Variants in GPC5 observed in about 807,000 individuals in gnomAD.
GPC5 encodes the protein glypican-5.
A neutral mutation model predicts 53.9 loss-of-function variants in GPC5; 47 were observed. The observed-to-expected ratio is 0.87, with a 90% CI of 0.69 to 1.11. The LOEUF (loss-of-function observed/expected upper bound fraction) is 1.11. Ranked by LOEUF, GPC5 falls within the 50% of genes most tolerant of loss-of-function variation. The probability of loss-of-function intolerance (pLI) is 0.00; values close to 1 mark genes in which losing one functional copy is unlikely to be tolerated. For synonymous variants in GPC5, 286 were observed against 263.3 expected, an observed-to-expected ratio of 1.09 and a Z score of -0.84; for missense variants, 748 against 713.1, an observed-to-expected ratio of 1.05 and a Z score of -0.56.
intron 7 of GPC5, among the ~76,000 whole-genome samples, chr13:92,753,693 C>T (rs1349700826): frequency 6.6e-6 from 1 of 151,992 alleles, no homozygotes; most frequent in Non-Finnish European, 1.5e-5. Flanking sequence ...GCAGAAACCT[C>T]AGGAGCCGAT....
Position 91,810,474 on chromosome 13 carries a change from G to A in GPC5, c.1280+54054G>A, listed in dbSNP as rs190104252. Among the ~76,000 whole-genome samples the A allele has an allele frequency of 2.0e-4, 31 of 152,024 alleles. 1 individual carries two copies. In the East Asian group the frequency reaches 4.3e-3, roughly 21 times the overall value. On this transcript the variant is annotated intron_variant, in intron 5 of 7. Coordinates refer to ENST00000377067, the MANE Select transcript of GPC5 (RefSeq NM_004466.6). Reference sequence around the variant, plus strand: ...TTCTTTCTATAAACTCTTCAATTATGTAGTCTGTATAAGAGAACTCTCTCT... The same window carrying A: ...TTCTTTCTATAAACTCTTCAATTATATAGTCTGTATAAGAGAACTCTCTCT...
At chr13:92,617,386 A>G (rs1323242221) in intron 7 of GPC5, among the ~76,000 whole-genome samples, 1 of 152,158 alleles carries the variant, frequency 6.6e-6, no homozygotes, top group Non-Finnish European at 1.5e-5. Context: ...ATTCATCAAA[A>G]CACCCACATT....
intron 7 of GPC5, among the ~76,000 whole-genome samples, chr13:92,726,579 A>C (rs1163607276): frequency 1.3e-5 from 2 of 151,546 alleles, no homozygotes; most frequent in East Asian, 3.9e-4. Flanking sequence ...TAATAAAGGA[A>C]TAAAACTTTT....
intron 6 of GPC5, among the ~76,000 whole-genome samples, chr13:92,077,687 G>A (rs1472465486): frequency 6.6e-6 from 1 of 152,182 alleles, no homozygotes; most frequent in African/African-American, 2.4e-5. Context: ...ACGGTGCACA[G>A]AAGGGATGAT....
intron 2 of GPC5, among the ~76,000 whole-genome samples, chr13:91,604,096 T>C (rs1204821903): frequency 2.2e-5 from 3 of 135,602 alleles, no homozygotes; most frequent in Admixed American, 1.5e-4. Flanking sequence ...ATGCTATCCC[T>C]CCCCCCTCCC....
intron 2 of GPC5, among the ~76,000 whole-genome samples, chr13:91,450,583 CT>C (rs1319665372): frequency 6.6e-6 from 1 of 152,082 alleles, no homozygotes; most frequent in Non-Finnish European, 1.5e-5. Context: ...GGTGATACTG[CT>C]AAAAGTTTAG....
rs1194435183 is a variant in GPC5 at position 91,621,759 on chromosome 13, CATTATATAT to C, written c.326-71425_326-71417del. On this transcript the variant is annotated intron_variant, in intron 2 of 7. Transcript: ENST00000377067. ...GTCAGGGTTCTCTAAAGGGACAGAACATTATATATATATATATATATATATATATATATG... is the reference window on the plus strand; with the variant it reads ...GTCAGGGTTCTCTAAAGGGACAGAACATATATATATATATATATATATATG... 4.3e-3 allele frequency among the ~76,000 whole-genome samples: 466 copies of C among 107,424 alleles called. 62 individuals carry two copies. Among genetic ancestry groups the C allele is most frequent in the African/African-American group, 0.024 (421 of 17,784 alleles). The allele number at this position is 107,424 out of a possible 152,430, so 70.5% of individuals were successfully genotyped here. A position where few individuals can be genotyped will look rare whatever the true frequency, so the allele number is the denominator to read the frequency against.
At chr13:92,163,691 G>A (rs2042007204) in intron 7 of GPC5, among the ~76,000 whole-genome samples, 2 of 152,100 alleles carry the variant, frequency 1.3e-5, no homozygotes, top group African/African-American at 4.8e-5. Flanking sequence ...ACTTGTTCAA[G>A]TTCAGTGAAG....
At chr13:92,122,458 T>TGGTGCTTAATTA (rs1446663259) in intron 6 of GPC5, among the ~76,000 whole-genome samples, 31 of 152,040 alleles carry the variant, frequency 2.0e-4, no homozygotes, top group African/African-American at 6.3e-4. Context: ...TTCAGCCTGC[T>TGGTGCTTAATTA]GGTGCTTAAT....
intron 2 of GPC5, among the ~76,000 whole-genome samples, chr13:91,597,921 T>G (rs2033050533): frequency 9.5e-5 from 1 of 10,502 alleles, no homozygotes; most frequent in Non-Finnish European, 5.5e-3. Context: ...CTATTGAGTT[T>G]GTATTTCTTT....
chr13:92,790,651 A>G (rs1876427764), intron 7 of GPC5, among the ~76,000 whole-genome samples: 1 of 152,148 alleles, frequency 6.6e-6, no homozygotes, highest in Admixed American at 6.6e-5. Context: ...TTTCATGTGA[A>G]GAAGGAATAA....
chr13:91,943,526 G>A (rs1566355095), intron 6 of GPC5, among the ~76,000 whole-genome samples: 1 of 152,130 alleles, frequency 6.6e-6, no homozygotes, highest in African/African-American at 2.4e-5. Flanking sequence ...AATTTTTACT[G>A]AATGATGGAT....
At chr13:92,128,934 G>T (rs2041721720) in intron 6 of GPC5, among the ~76,000 whole-genome samples, 1 of 152,120 alleles carries the variant, frequency 6.6e-6, no homozygotes, top group Non-Finnish European at 1.5e-5. Context: ...CTGCACTCCA[G>T]CCTGGGTGAC....
intron 2 of GPC5, among the ~76,000 whole-genome samples, chr13:91,618,718 G>T (rs1444834109): frequency 5.9e-5 from 9 of 151,796 alleles, no homozygotes; most frequent in Non-Finnish European, 1.3e-4. Flanking sequence ...AGTTGTTGTT[G>T]CCTGGAGTCT....
At chr13:92,488,997 A>T (rs1879661155) in intron 7 of GPC5, among the ~76,000 whole-genome samples, 1 of 152,220 alleles carries the variant, frequency 6.6e-6, no homozygotes, top group African/African-American at 2.4e-5. Context: ...ACAAGTTCCC[A>T]GATGTTCATA....
At chr13:91,540,611 A>G (rs1053854182) in intron 2 of GPC5, among the ~76,000 whole-genome samples, 8 of 152,234 alleles carry the variant, frequency 5.3e-5, no homozygotes, top group African/African-American at 1.9e-4. Context: ...ATTGTATGGC[A>G]TGTGAATTAT....
chr13:92,534,067 A>G (rs1184799014), intron 7 of GPC5, among the ~76,000 whole-genome samples: 1 of 152,146 alleles, frequency 6.6e-6, no homozygotes, highest in Non-Finnish European at 1.5e-5. Context: ...TGAGAAGATC[A>G]CTTGAGCCCA....
At chr13:92,675,270 A>G (rs1886899770) in intron 7 of GPC5, among the ~76,000 whole-genome samples, 1 of 152,146 alleles carries the variant, frequency 6.6e-6, no homozygotes, top group African/African-American at 2.4e-5. Context: ...CCTATTCTTT[A>G]ATTTGTCTCT....
chr13:91,572,198 T>C (rs1273868835), intron 2 of GPC5, among the ~76,000 whole-genome samples: 1 of 124,224 alleles, frequency 8.0e-6, no homozygotes, highest in African/African-American at 3.6e-5. Flanking sequence ...TACACACACA[T>C]ATGTATATAT....
Sources: allele counts gnomAD v4.1 joint callset (sites outside exome capture counted in the v4.1 genomes callset), GRCh38; gene constraint gnomAD v4.1.1; transcripts MANE v1.5; gene names NCBI Gene and HGNC (gene_info 2026-07-23, HGNC 2026-07-21).